The following AFG2B variants were observed in gnomAD, a reference collection of about 807,000 sequenced individuals.
AFG2B encodes AAA ATPase AFG2B.
At chr15:45,404,880 A>C in the AFG2B span, among the ~76,000 whole-genome samples, 82 of 151,716 alleles carry the variant, frequency 5.4e-4, 1 homozygote, top group East Asian at 2.1e-3. Flanking sequence ...TTTGGAAGTA[A>C]TTCTTTTTTA....
the AFG2B span, among the ~76,000 whole-genome samples, chr15:45,416,291 G>A: frequency 1.5e-4 from 23 of 152,132 alleles, no homozygotes; most frequent in African/African-American, 5.3e-4. Flanking sequence ...GAAAAACAAA[G>A]GAGATTATTA....
the AFG2B span, chr15:45,414,710 C>G: frequency 6.2e-7 from 1 of 1,614,144 alleles, no homozygotes. Flanking sequence ...TGTCACTGCT[C>G]TTTCGTTTCA....
the AFG2B span, among the ~76,000 whole-genome samples, chr15:45,420,237 A>G: frequency 6.6e-6 from 1 of 151,998 alleles, no homozygotes; most frequent in Non-Finnish European, 1.5e-5. Context: ...TTTATTTTGG[A>G]ATATCTGGGT....
chr15:45,409,678 T>C, the AFG2B span, among the ~76,000 whole-genome samples: 2 of 151,936 alleles, frequency 1.3e-5, no homozygotes, highest in East Asian at 3.9e-4. Flanking sequence ...CTGGGCAACA[T>C]AGGGAGACCG....
chr15:45,419,986 T>TGCC, the AFG2B span, among the ~76,000 whole-genome samples: 5 of 49,258 alleles, frequency 1.0e-4, no homozygotes, highest in South Asian at 8.2e-4. Flanking sequence ...CAAGACTCTG[T>TGCC]CCCCCCCCCC....
At chr15:45,412,784 T>C in the AFG2B span, among the ~76,000 whole-genome samples, 1 of 152,134 alleles carries the variant, frequency 6.6e-6, no homozygotes, top group Non-Finnish European at 1.5e-5. Context: ...AAATGAACAA[T>C]ATGGCTACCT....
the AFG2B span, among the ~76,000 whole-genome samples, chr15:45,404,486 CG>C: frequency 4.1e-5 from 3 of 72,796 alleles, no homozygotes; most frequent in Admixed American, 6.6e-4. Flanking sequence ...ACTAAATTGT[CG>C]TACATGTTTG....
the AFG2B span, chr15:45,406,891 G>A: frequency 1.7e-6 from 1 of 581,132 alleles, no homozygotes; most frequent in East Asian, 6.8e-5. Flanking sequence ...TCTTCATCTT[G>A]TAGGTTTAGA....
At chr15:45,403,319 C>T in the AFG2B span, 153 of 1,598,900 alleles carry the variant, frequency 9.6e-5, no homozygotes, top group Non-Finnish European at 1.2e-4. Flanking sequence ...AGCCGCGGAC[C>T]CAGCCTCCTC....
the AFG2B span, chr15:45,403,610 T>G: frequency 6.6e-6 from 10 of 1,521,730 alleles, 1 homozygote; most frequent in Non-Finnish European, 7.0e-6. Flanking sequence ...GCCTCTTAGG[T>G]TTGAGCATCG....
the AFG2B span, among the ~76,000 whole-genome samples, chr15:45,410,706 A>C: frequency 2.6e-5 from 4 of 152,290 alleles, no homozygotes; most frequent in Admixed American, 2.6e-4. Context: ...GTGGATGTCT[A>C]AACTGGTTTT....
the AFG2B span, among the ~76,000 whole-genome samples, chr15:45,419,393 C>T: frequency 6.6e-6 from 1 of 151,288 alleles, no homozygotes; most frequent in African/African-American, 2.4e-5. Context: ...GCCTGGGAAG[C>T]GAAGGTTGCA....
the AFG2B span, among the ~76,000 whole-genome samples, chr15:45,418,216 C>T: frequency 2.6e-5 from 4 of 151,744 alleles, no homozygotes; most frequent in Admixed American, 1.3e-4. Flanking sequence ...TGGTGGCAGG[C>T]GCCTGTAATC....
the AFG2B span, among the ~76,000 whole-genome samples, chr15:45,419,079 A>C: frequency 1.3e-5 from 2 of 152,174 alleles, no homozygotes; most frequent in African/African-American, 4.8e-5. Context: ...GGAGAGAATA[A>C]AATGTGCAAA....
the AFG2B span, chr15:45,410,409 T>C: frequency 6.2e-7 from 1 of 1,613,778 alleles, no homozygotes; most frequent in Non-Finnish European, 8.5e-7. Flanking sequence ...ATAGACTTCC[T>C]TGAAGCTTTT....
At chr15:45,414,746 C>T in the AFG2B span, 59 of 1,614,094 alleles carry the variant, frequency 3.7e-5, no homozygotes, top group Middle Eastern at 8.3e-4. Flanking sequence ...CTGTTTTCAC[C>T]GTTTGTTGGA....
chr15:45,402,906 G>A, the AFG2B span: 2 of 1,598,174 alleles, frequency 1.3e-6, no homozygotes, highest in African/African-American at 2.7e-5. Context: ...CTCCTGGCCT[G>A]GTGGCTGCCT....
chr15:45,402,887 C>T, the AFG2B span: 1 of 1,598,424 alleles, frequency 6.3e-7, no homozygotes, highest in Non-Finnish European at 8.5e-7. Context: ...GTGGTCGCTC[C>T]GCCAGGCGCT....
the AFG2B span, among the ~76,000 whole-genome samples, chr15:45,419,751 C>G: frequency 3.9e-5 from 6 of 152,010 alleles, no homozygotes; most frequent in Non-Finnish European, 8.8e-5. Context: ...CTTAGTGACT[C>G]ATGCCTGTAA....
Sources: allele counts gnomAD v4.1 joint callset (sites outside exome capture counted in the v4.1 genomes callset), GRCh38; gene constraint gnomAD v4.1.1; transcripts MANE v1.5; gene names NCBI Gene and HGNC (gene_info 2026-07-23, HGNC 2026-07-21).